The following PPP1R42 variants were observed in gnomAD, a reference collection of about 807,000 sequenced individuals.
PPP1R42 encodes protein phosphatase 1 regulatory subunit 42, also known as leucine rich repeat containing 67.
A neutral mutation model predicts 31.0 loss-of-function variants in PPP1R42; 34 were observed. The observed-to-expected ratio is 1.10, with a 90% CI of 0.83 to 1.46. The LOEUF is 1.46. Ranked by LOEUF, PPP1R42 falls within the 40% of genes most tolerant of loss-of-function variation. PPP1R42 has a pLI of 0.00. For synonymous variants in PPP1R42, 103 were observed against 109.8 expected, an observed-to-expected ratio of 0.94 and a Z score of 0.39; for missense variants, 268 against 303.0, an observed-to-expected ratio of 0.88 and a Z score of 0.86.
chr8:66,982,152 AT>A lies in PPP1R42; in HGVS notation c.698del (p.Asn233IlefsTer2). 6.9e-7 allele frequency: 1 copy of A among 1,455,340 alleles called. No homozygotes were observed. The highest frequency in any genetic ancestry group is 9.0e-7 in the Non-Finnish European group (1 of 1,114,288). The allele number at this position is 1,455,340 out of a possible 1,614,324, so 90.2% of individuals were successfully genotyped here. On this transcript the variant is annotated frameshift_variant, in exon 7 of 8. Transcript: ENST00000685739. LOFTEE classifies it high-confidence loss of function. ...AATTCATTAGGAATTGTCTTTCTAT[AT>A]TTTTAATTTCTTTTCCATCAAGAAA... ...LEFLDGKEIKNIERQFLMNWK... is the reference protein window; with the variant it reads ...LEFLDGKEIKXIERQFLMNWK...
At chr8:66,976,611 GTT>G (rs561585989) in intron 7 of PPP1R42, among the ~76,000 whole-genome samples, 33 of 133,354 alleles carry the variant, frequency 2.5e-4, no homozygotes, top group Non-Finnish European at 2.6e-4. Context: ...CAACTTTTTG[GTT>G]TTTTTTTTTT....
chr8:66,985,751 G>A, intron 6 of PPP1R42: 1 of 1,258,794 alleles, frequency 7.9e-7, no homozygotes, highest in Non-Finnish European at 1.2e-6. Flanking sequence ...ATGAAGCACA[G>A]CTGTTTTTTC....
intron 7 of PPP1R42, among the ~76,000 whole-genome samples, chr8:66,967,187 G>A (rs1027657336): frequency 1.2e-4 from 18 of 152,048 alleles, no homozygotes; most frequent in Non-Finnish European, 2.5e-4. Context: ...GCCTAGGCTG[G>A]TTTCGAACTC....
At position 66,988,492 on chromosome 8, in the gene PPP1R42, A is replaced by AAAGG; in HGVS notation, c.577_578insCCTT (p.Leu193SerfsTer9). The AAAGG allele has an allele frequency of 6.2e-7, 1 of 1,609,836 alleles. No individual in the cohort carries two copies. Among genetic ancestry groups the AAAGG allele is most frequent in the Non-Finnish European group, 8.5e-7 (1 of 1,178,544 alleles). Reference sequence around the variant, plus strand: ...TAGATCAATTTTCCACAGCTTCATCAACTTGTTCAGTAAAAACTCCAAATC... The same window carrying AAAGG: ...TAGATCAATTTTCCACAGCTTCATCAAAGGACTTGTTCAGTAAAAACTCCAAATC... On this transcript the variant is annotated frameshift_variant, in exon 6 of 8. Transcript: ENST00000685739. LOFTEE classifies it high-confidence loss of function.
intron 7 of PPP1R42, chr8:66,970,940 AC>A: frequency 7.1e-7 from 1 of 1,405,404 alleles, no homozygotes; most frequent in Non-Finnish European, 9.7e-7. Context: ...TCTCCTCCCC[AC>A]CAAAAAGATA....
chr8:67,018,199 T>A (rs1001092375), intron 1 of PPP1R42, among the ~76,000 whole-genome samples: 2 of 151,250 alleles, frequency 1.3e-5, no homozygotes, highest in African/African-American at 4.9e-5. Flanking sequence ...CACTGCAATC[T>A]CCCCCTCCCA....
intron 4 of PPP1R42, among the ~76,000 whole-genome samples, chr8:67,012,295 T>C (rs536895634): frequency 1.3e-5 from 2 of 152,158 alleles, no homozygotes; most frequent in African/African-American, 4.8e-5. Context: ...CCATGTCCCA[T>C]TTATGTGTCC....
chr8:66,984,057 T>A lies in PPP1R42; in HGVS notation c.671-1877A>T. On this transcript the variant is annotated intron_variant, in intron 6 of 7. Transcript: ENST00000685739. ...AGTTCTGAGATCATACAAGTGGGAG[T>A]GGGTTGGGAAACAGAATAAGTGAGA... is the stretch of plus-strand genomic sequence containing the variant. The A allele has an allele frequency of 2.2e-6, 3 of 1,371,258 alleles. No homozygotes were observed. The South Asian group carries it at 3.5e-5, about 16-fold the overall frequency. The allele number at this position is 1,371,258 out of a possible 1,614,324, so 84.9% of individuals were successfully genotyped here.
intron 5 of PPP1R42, among the ~76,000 whole-genome samples, chr8:66,991,383 G>C (rs1327161500): frequency 2.0e-5 from 3 of 152,094 alleles, no homozygotes; most frequent in Non-Finnish European, 4.4e-5. Context: ...ATGAATATCT[G>C]TTTAAAGGAG....
chr8:66,977,251 G>A (rs1814703383), intron 7 of PPP1R42, among the ~76,000 whole-genome samples: 1 of 151,212 alleles, frequency 6.6e-6, no homozygotes, highest in Admixed American at 6.6e-5. Context: ...GGCTAGGCTG[G>A]TCTTGAACTC....
intron 5 of PPP1R42, among the ~76,000 whole-genome samples, chr8:67,007,603 T>G (rs1236173945): frequency 6.6e-6 from 1 of 152,210 alleles, no homozygotes; most frequent in African/African-American, 2.4e-5. Context: ...TGCCTCGGCC[T>G]TCCAAAATGC....
In PPP1R42 at chr8:67,014,062, G is replaced by C. The variant is rs375769145; in HGVS notation, c.296+364C>G. Among the ~76,000 whole-genome samples the C allele has an allele frequency of 1.2e-4, 18 of 152,278 alleles. No homozygotes were observed. The East Asian group carries it at 3.1e-3, about 26-fold the overall frequency. ...GCACATAACTCATCTGGGTTCCGTG[G>C]AAACTTCTTTTATCAGTTGAGCCCA... On this transcript the variant is annotated intron_variant, in intron 3 of 7. Transcript: ENST00000685739.
At chr8:66,975,975 G>A (rs1038828005) in intron 7 of PPP1R42, among the ~76,000 whole-genome samples, 3 of 152,162 alleles carry the variant, frequency 2.0e-5, no homozygotes, top group Non-Finnish European at 4.4e-5. Context: ...CTGGTCTGTG[G>A]CCTATTAGAA....
chr8:66,997,648 G>A (rs1815371354), intron 5 of PPP1R42, among the ~76,000 whole-genome samples: 1 of 150,094 alleles, frequency 6.7e-6, no homozygotes. Context: ...CAGGGCTCAT[G>A]CAGTCCTCCC....
At chr8:66,974,382 G>A (rs1421353270) in intron 7 of PPP1R42, among the ~76,000 whole-genome samples, 4 of 152,004 alleles carry the variant, frequency 2.6e-5, no homozygotes, top group East Asian at 1.9e-4. Flanking sequence ...TGGTGAAACC[G>A]CATCTCTACT....
At position 66,988,424 on chromosome 8, in the gene PPP1R42, G is replaced by T. The variant is rs1232594681; in HGVS notation, c.646C>A (p.Leu216Met). Reference sequence around the variant, plus strand: ...CCCAGTGATTTGGACACCAATATCAGTCTGTCCCTGTATTTTGGTTTGAGA... The same window carrying T: ...CCCAGTGATTTGGACACCAATATCATTCTGTCCCTGTATTTTGGTTTGAGA... ...VCLKPKYRDR[L>M]ILVSKSLEFL... Residue 216 changes from leucine (L) to methionine (M), a missense_variant, in exon 6 of 8, where the codon CTG becomes ATG. Leu to Met is a conservative substitution (Grantham distance 15). Coordinates refer to ENST00000685739, the MANE Select transcript of PPP1R42 (RefSeq NM_001364910.1). 1.3e-6 allele frequency: 2 copies of T among 1,588,596 alleles called. No homozygotes were observed. The highest frequency in any genetic ancestry group is 4.6e-5 in the East Asian group (2 of 43,814).
intron 6 of PPP1R42, chr8:66,985,050 A>G (rs1368539220): frequency 7.1e-7 from 1 of 1,418,342 alleles, no homozygotes; most frequent in Non-Finnish European, 1.0e-6. Flanking sequence ...GGATTATGTA[A>G]GAGTCCCACC....
At chr8:67,027,514 A>G (rs111408773) in intron 1 of PPP1R42, among the ~76,000 whole-genome samples, 97 of 152,348 alleles carry the variant, frequency 6.4e-4, no homozygotes, top group African/African-American at 2.1e-3. Context: ...ACACAAAATA[A>G]TAGACTGTTA....
intron 6 of PPP1R42, chr8:66,985,678 C>G: frequency 1.5e-6 from 2 of 1,323,740 alleles, no homozygotes; most frequent in Non-Finnish European, 2.2e-6. Flanking sequence ...AATAGTGTGG[C>G]CAATTGGAAG....
Sources: allele counts gnomAD v4.1 joint callset (sites outside exome capture counted in the v4.1 genomes callset), GRCh38; gene constraint gnomAD v4.1.1; transcripts MANE v1.5; gene names NCBI Gene and HGNC (gene_info 2026-07-23, HGNC 2026-07-21).